Variants in ADGRL2 observed in about 807,000 individuals in gnomAD.
The protein encoded by ADGRL2 is calcium-independent alpha-latrotoxin receptor 2.
Under a neutral mutation model 157.4 loss-of-function variants are expected in ADGRL2, and 44 were observed. The ratio of observed to expected loss-of-function variants is 0.28; its 90% confidence interval spans 0.22 to 0.36. The LOEUF (loss-of-function observed/expected upper bound fraction) is 0.36, where lower values mean the gene tolerates loss of function less well. Ranked by LOEUF, ADGRL2 falls within the 10% of genes least tolerant of loss-of-function variation. The probability of loss-of-function intolerance (pLI) is 1.00; values close to 1 mark genes in which losing one functional copy is unlikely to be tolerated. For synonymous variants in ADGRL2, 585 were observed against 624.7 expected, an observed-to-expected ratio of 0.94 and a Z score of 0.95; for missense variants, 1,510 against 1,768.9, an observed-to-expected ratio of 0.85 and a Z score of 2.63.
At chr1:81,798,963 A>G (rs1253760296), upstream of ADGRL2, among the ~76,000 whole-genome samples, 1 of 152,178 alleles carries the variant, frequency 6.6e-6, no homozygotes, top group Non-Finnish European at 1.5e-5. Context: ...TGAACAAAGA[A>G]GGGCTAAAAT....
In ADGRL2 at chr1:81,966,092, G is replaced by A; in HGVS notation, c.2052G>A (p.Gln684=). 2 of 1,614,002 alleles carry A rather than the reference G, an allele frequency of 1.2e-6. No homozygotes were observed. The highest frequency in any genetic ancestry group is 1.7e-6 in the Non-Finnish European group (2 of 1,179,946). ...TTGCCGTACTCAGTACAGAAGGACA[G>A]ATCCAAGACTTTAAATTTCCTCTGG... The part of the protein sequence containing the change: ...LEVAVLSTEG[Q]IQDFKFPLGI... The change falls in exon 12 of 24, where the codon CAG becomes CAA. Residue 684 remains glutamine (Q), a synonymous_variant. Transcript: ENST00000686636.
chr1:81,658,526 A>C (rs1221000905), intron 3 of ADGRL2, among the ~76,000 whole-genome samples: 3 of 152,184 alleles, frequency 2.0e-5, no homozygotes, highest in Non-Finnish European at 2.9e-5. Flanking sequence ...AATAGTGTAC[A>C]TTGTGCCCAA....
At chr1:81,472,636 A>AAAAGG (rs149949335) in intron 2 of ADGRL2, among the ~76,000 whole-genome samples, 10 of 152,150 alleles carry the variant, frequency 6.6e-5, no homozygotes, top group South Asian at 4.2e-4. Context: ...ACTCTGAAAA[A>AAAAGG]AAAGGAAAGG....
intron 1 of ADGRL2, among the ~76,000 whole-genome samples, chr1:81,312,604 T>C (rs939508142): frequency 7.2e-5 from 11 of 152,344 alleles, no homozygotes; most frequent in African/African-American, 2.4e-4. Flanking sequence ...AGAGGCATTT[T>C]GTTTCTCAGC....
intron 2 of ADGRL2, among the ~76,000 whole-genome samples, chr1:81,561,816 T>C (rs1195482364): frequency 1.3e-5 from 2 of 152,160 alleles, no homozygotes; most frequent in South Asian, 4.1e-4. Context: ...AGGATTTTCA[T>C]GAAACAATTA....
chr1:81,354,753 G>T (rs536822341), intron 1 of ADGRL2, among the ~76,000 whole-genome samples: 47 of 152,236 alleles, frequency 3.1e-4, no homozygotes, highest in Middle Eastern at 3.4e-3. Context: ...TCACAAGAAG[G>T]CAGCAAGCTT....
At chr1:81,753,961 G>A (rs577769598) in intron 1 of ADGRL2, among the ~76,000 whole-genome samples, 1 of 152,154 alleles carries the variant, frequency 6.6e-6, no homozygotes, top group African/African-American at 2.4e-5. Flanking sequence ...TCTATTGTGA[G>A]AATGAGTTGT....
chr1:81,560,545 T>C (rs1478997179), intron 2 of ADGRL2, among the ~76,000 whole-genome samples: 1 of 152,180 alleles, frequency 6.6e-6, no homozygotes, highest in Non-Finnish European at 1.5e-5. Context: ...TTTGCACATA[T>C]GTGTTGGGAA....
chr1:81,333,069 G>T (rs992839078), intron 1 of ADGRL2, among the ~76,000 whole-genome samples: 3 of 152,072 alleles, frequency 2.0e-5, no homozygotes, highest in Admixed American at 2.0e-4. Flanking sequence ...AACCTCTCTA[G>T]ACCTTGTAGA....
intron 1 of ADGRL2, among the ~76,000 whole-genome samples, chr1:81,735,527 T>C (rs9726473): frequency 0.31 from 46,665 of 151,926 alleles, 7,483 homozygotes; most frequent in South Asian, 0.39. Context: ...TGGTGGCTCA[T>C]GCCTGTAATC....
chr1:81,462,314 T>G (rs2077953557), intron 2 of ADGRL2, among the ~76,000 whole-genome samples: 1 of 152,208 alleles, frequency 6.6e-6, no homozygotes, highest in Admixed American at 6.5e-5. Flanking sequence ...CTGCTGCCCT[T>G]CTATGTTGTG....
chr1:81,776,790 C>T lies in ADGRL2; in HGVS notation c.-101+14938C>T, dbSNP rs573097652. 2.6e-5 allele frequency among the ~76,000 whole-genome samples: 4 copies of T among 152,250 alleles called. No individual in the cohort carries two copies. The East Asian group carries it at 7.7e-4, about 29-fold the overall frequency. ...AACTGGAGAAAGATTGACCTGGGCT[C>T]CAATTCAAGCATTATCACTTGCTGG... On this transcript the variant is annotated intron_variant, in intron 2 of 20. Transcript: ENST00000359929.
At chr1:81,817,991 C>T (rs1025119473) in intron 1 of ADGRL2, among the ~76,000 whole-genome samples, 2 of 150,916 alleles carry the variant, frequency 1.3e-5, no homozygotes, top group African/African-American at 2.4e-5. Context: ...TAGCAAGACC[C>T]GTTTCTACCA....
chr1:81,729,157 T>C (rs1453290456), intron 1 of ADGRL2, among the ~76,000 whole-genome samples: 1 of 151,050 alleles, frequency 6.6e-6, no homozygotes, highest in African/African-American at 2.4e-5. Flanking sequence ...ATTTAAATAA[T>C]CTTCCAGCCA....
intron 1 of ADGRL2, among the ~76,000 whole-genome samples, chr1:81,371,268 G>A (rs928889232): frequency 2.0e-5 from 3 of 152,104 alleles, no homozygotes; most frequent in South Asian, 2.1e-4. Flanking sequence ...GTGCAAATTA[G>A]GGTAGATATT....
intron 1 of ADGRL2, among the ~76,000 whole-genome samples, chr1:81,388,917 C>T (rs1049790653): frequency 1.3e-5 from 2 of 152,080 alleles, no homozygotes; most frequent in African/African-American, 4.8e-5. Context: ...TTTGGGGCCC[C>T]AGCTCAACGT....
intron 2 of ADGRL2, among the ~76,000 whole-genome samples, chr1:81,554,243 C>T (rs1316427944): frequency 6.6e-6 from 1 of 152,234 alleles, no homozygotes; most frequent in African/African-American, 2.4e-5. Context: ...CAGCTGTAAT[C>T]ATGGCACCTG....
At chr1:81,497,734 G>A (rs914394864) in intron 2 of ADGRL2, among the ~76,000 whole-genome samples, 13 of 152,252 alleles carry the variant, frequency 8.5e-5, no homozygotes, top group Middle Eastern at 6.8e-3. Flanking sequence ...GAAATGATGC[G>A]AAGTATGTGA....
chr1:81,474,105 G>A (rs534543348), intron 2 of ADGRL2, among the ~76,000 whole-genome samples: 2 of 152,326 alleles, frequency 1.3e-5, no homozygotes, highest in South Asian at 2.1e-4. Context: ...AGCTTGAGCT[G>A]GAAAAGAGAA....
Sources: gnomAD v4.1 joint callset for allele counts (sites outside exome capture counted in the v4.1 genomes callset) on GRCh38, gnomAD v4.1.1 for gene constraint, MANE v1.5 for transcripts, NCBI Gene and HGNC (gene_info 2026-07-23, HGNC 2026-07-21) for gene names.